Variants in KLHL13 observed in about 807,000 individuals in gnomAD.
KLHL13 encodes kelch-like protein 13.
A neutral mutation model predicts 37.1 loss-of-function variants in KLHL13; 10 were observed. The observed-to-expected ratio is 0.27, with a 90% confidence interval of 0.17 to 0.46. The LOEUF is 0.46. Among genes scored for constraint, KLHL13 ranks in the 20% least tolerant of loss-of-function variants. The pLI is 1.00. For synonymous variants in KLHL13, 163 were observed against 181.2 expected, an observed-to-expected ratio of 0.90 and a Z score of 0.81; for missense variants, 360 against 509.3, an observed-to-expected ratio of 0.71 and a Z score of 2.82.
At chrX:117,953,123 C>T (rs1362120669) in intron 1 of KLHL13, among the ~76,000 whole-genome samples, 1 of 110,043 alleles carries the variant, frequency 9.1e-6, no homozygotes, top group Non-Finnish European at 1.9e-5. Context: ...TATTGCGGCA[C>T]TATTCACAAT....
At chrX:117,926,011 A>G (rs1452179806) in intron 2 of KLHL13, among the ~76,000 whole-genome samples, 2 of 111,771 alleles carry the variant, frequency 1.8e-5, no homozygotes, top group Non-Finnish European at 3.8e-5. Context: ...TTGTAAAGCT[A>G]TCTCTCACAC....
chrX:117,953,116 T>C (rs1424403449), intron 1 of KLHL13, among the ~76,000 whole-genome samples: 1 of 110,277 alleles, frequency 9.1e-6, no homozygotes, highest in Non-Finnish European at 1.9e-5. Flanking sequence ...GTATGTTTAT[T>C]GCGGCACTAT....
chrX:118,062,656 T>C (rs2148096630), intron 1 of KLHL13, among the ~76,000 whole-genome samples: 1 of 111,285 alleles, frequency 9.0e-6, no homozygotes, highest in East Asian at 2.8e-4. Flanking sequence ...ATAAATTATA[T>C]TTATTTATTC....
intron 1 of KLHL13, among the ~76,000 whole-genome samples, chrX:118,013,217 G>A (rs1182386964): frequency 1.8e-5 from 2 of 111,733 alleles, no homozygotes; most frequent in East Asian, 5.6e-4. Context: ...TGAGTCTTAT[G>A]GAGAGAATTA....
At chrX:117,909,514 C>T (rs1019938801) in exon 5 of KLHL13, 10 of 1,210,941 alleles carry the variant, frequency 8.3e-6, no homozygotes, top group South Asian at 1.8e-5. Flanking sequence ...CCAATGACGG[C>T]GATGCCATGC....
chrX:118,027,092 G>A (rs148371066), intron 1 of KLHL13, among the ~76,000 whole-genome samples: 142 of 111,610 alleles, frequency 1.3e-3, no homozygotes, highest in African/African-American at 4.3e-3. Context: ...TGATCAAGAC[G>A]TTTTGCTTGA....
At chrX:118,016,365 G>C (rs1452971165) in intron 1 of KLHL13, among the ~76,000 whole-genome samples, 2 of 111,193 alleles carry the variant, frequency 1.8e-5, no homozygotes, top group African/African-American at 6.5e-5. Flanking sequence ...ACTAAATTCA[G>C]TTAGCCTACT....
chrX:118,075,147 T>C (rs140463099), intron 1 of KLHL13, among the ~76,000 whole-genome samples: 1 of 111,330 alleles, frequency 9.0e-6, no homozygotes. Flanking sequence ...CTAGGCAAAG[T>C]GGGGAACGGA....
chrX:118,007,032 A>C (rs148667486), intron 1 of KLHL13, among the ~76,000 whole-genome samples: 5,971 of 111,125 alleles, frequency 0.054, 395 homozygotes, highest in African/African-American at 0.18. Context: ...TAGACTTAGC[A>C]CTGCTTCAGG....
chrX:117,950,488 A>G (rs898827128), intron 1 of KLHL13, among the ~76,000 whole-genome samples: 3 of 112,127 alleles, frequency 2.7e-5, no homozygotes, highest in Non-Finnish European at 3.8e-5. Flanking sequence ...AAGAAAAAAA[A>G]GAAAGTCTCT....
chrX:117,977,600 T>C (rs145846215), upstream of KLHL13, among the ~76,000 whole-genome samples: 30 of 112,226 alleles, frequency 2.7e-4, no homozygotes, highest in Admixed American at 8.5e-4. Flanking sequence ...CCAGAGTTTG[T>C]ATGAACAGGC....
chrX:117,908,609 G>A lies in KLHL13; in HGVS notation c.1366+692C>T, dbSNP rs758341890. The stretch of plus-strand genomic sequence containing the variant: ...AAATAATAAAATTTTACCTTTTTGG[G>A]TTAATTTACATAGCCAAAGTATTCT... On this transcript the variant is annotated intron_variant, in intron 5 of 6. Transcript: ENST00000262820. 3.6e-5 allele frequency among the ~76,000 whole-genome samples: 4 copies of A among 111,157 alleles called. No individual in the cohort carries two copies. In the Admixed American group the frequency reaches 3.8e-4, roughly 11 times the overall value.
rs1445069603 is a variant in KLHL13, at chrX:118,099,895, G to GAAGGAAAGAAAGAAGGAAGA, written c.-56+16612_-56+16613insTCTTCCTTCTTTCTTTCCTT. Among the ~76,000 whole-genome samples the GAAGGAAAGAAAGAAGGAAGA allele has an allele frequency of 4.5e-3, 438 of 97,051 alleles. 6 individuals carry two copies. Among genetic ancestry groups the GAAGGAAAGAAAGAAGGAAGA allele is most frequent in the African/African-American group, 0.02 (421 of 21,161 alleles). 84.3% of individuals were successfully genotyped at this position (97,051 alleles called of 115,157 possible). Reference sequence around the variant, plus strand: ...GGAAAGAAGAAAGGAAGGAAGGAAAGAAGGAAGGAAAGAAGGAAGGAAGAA... The same window carrying GAAGGAAAGAAAGAAGGAAGA: ...GGAAAGAAGAAAGGAAGGAAGGAAAGAAGGAAAGAAAGAAGGAAGAAAGGAAGGAAAGAAGGAAGGAAGAA... On this transcript the variant is annotated intron_variant, in intron 1 of 6. Transcript: ENST00000371882.
At chrX:117,929,770 C>T (rs1322817981) in intron 2 of KLHL13, among the ~76,000 whole-genome samples, 3 of 68,243 alleles carry the variant, frequency 4.4e-5, no homozygotes, top group African/African-American at 2.2e-4. Flanking sequence ...AGTGAGACAT[C>T]GTCTCTACAA....
At chrX:118,107,418 C>A (rs780069069) in intron 1 of KLHL13, among the ~76,000 whole-genome samples, 4 of 111,615 alleles carry the variant, frequency 3.6e-5, no homozygotes, top group Admixed American at 1.9e-4. Context: ...AGGATTAAGA[C>A]AATATAAACA....
chrX:118,033,579 T>C (rs1347301940), intron 1 of KLHL13, among the ~76,000 whole-genome samples: 3 of 109,517 alleles, frequency 2.7e-5, no homozygotes, highest in Non-Finnish European at 5.7e-5. Flanking sequence ...CTAAAACAGA[T>C]CCTGAAGGAA....
At chrX:117,956,643 T>C (rs1482901431) in intron 1 of KLHL13, among the ~76,000 whole-genome samples, 1 of 112,336 alleles carries the variant, frequency 8.9e-6, no homozygotes, top group Non-Finnish European at 1.9e-5. Flanking sequence ...CTTCCTTTTA[T>C]ACAGTCCTTT....
chrX:117,951,223 T>C (rs1309989983), intron 1 of KLHL13, among the ~76,000 whole-genome samples: 1 of 111,360 alleles, frequency 9.0e-6, no homozygotes, highest in East Asian at 2.8e-4. Flanking sequence ...AGTAAACTAA[T>C]GTATATAAAA....
chrX:117,917,449 TTAAG>T (rs1931439172), intron 4 of KLHL13, among the ~76,000 whole-genome samples: 1 of 111,335 alleles, frequency 9.0e-6, no homozygotes, highest in African/African-American at 3.3e-5. Flanking sequence ...TAAGGCAATA[TTAAG>T]TGTTTATAAA....
Sources: gnomAD v4.1 joint callset for allele counts (sites outside exome capture counted in the v4.1 genomes callset) on GRCh38, gnomAD v4.1.1 for gene constraint, MANE v1.5 for transcripts, NCBI Gene and HGNC (gene_info 2026-07-23, HGNC 2026-07-21) for gene names.